The following EGFLAM variants were observed in gnomAD, a reference collection of about 807,000 sequenced individuals.
The protein encoded by EGFLAM is EGF like, fibronectin type III and laminin G domains, also known as pikachurin.
Under a neutral mutation model 113.1 loss-of-function variants are expected in EGFLAM, and 79 were observed. The observed-to-expected ratio is 0.70, with a 90% CI of 0.58 to 0.84. The LOEUF is 0.84. Among genes scored for constraint, EGFLAM ranks in the 40% least tolerant of loss-of-function variants. The pLI is 0.00. For missense variants in EGFLAM, 1,265 were observed against 1,291.6 expected, an observed-to-expected ratio of 0.98 and a Z score of 0.32; for synonymous variants, 504 against 487.6, an observed-to-expected ratio of 1.03 and a Z score of -0.44.
chr5:38,407,140 T>C lies in EGFLAM; in HGVS notation c.1141T>C (p.Ser381Pro). ...CTLGKGGESC[S>P]EDIVIQYPQF... The stretch of plus-strand genomic sequence containing the variant: ...CCTGGGCAAAGGTGGTGAGAGCTGC[T>C]CAGAAGGTAGGCCCTTGGGGGAGAG... Residue 381 changes from serine (S) to proline (P), a missense_variant, in exon 8 of 22, where the codon TCA becomes CCA. Coordinates refer to ENST00000322350, the MANE Select transcript of EGFLAM (RefSeq NM_152403.4). The C allele has an allele frequency of 6.2e-7, 1 of 1,608,548 alleles. No individual in the cohort carries two copies. The highest frequency in any genetic ancestry group is 8.5e-7 in the Non-Finnish European group (1 of 1,179,484).
At chr5:38,405,839 C>T (rs541718087) in intron 6 of EGFLAM, among the ~76,000 whole-genome samples, 21 of 152,262 alleles carry the variant, frequency 1.4e-4, no homozygotes, top group East Asian at 3.9e-4. Context: ...TCATTGATCC[C>T]GTCCTTAGTA....
At chr5:38,342,887 A>G (rs935894741) in intron 3 of EGFLAM, among the ~76,000 whole-genome samples, 1 of 152,228 alleles carries the variant, frequency 6.6e-6, no homozygotes, top group Non-Finnish European at 1.5e-5. Context: ...AGGAGGAGAT[A>G]AAACAGAAAT....
intron 1 of EGFLAM, among the ~76,000 whole-genome samples, chr5:38,318,750 C>A (rs1381117707): frequency 6.6e-6 from 1 of 152,164 alleles, no homozygotes; most frequent in Middle Eastern, 3.4e-3. Flanking sequence ...GTGATCTACC[C>A]GCATCGGCCT....
chr5:38,440,748 C>G (rs1227161593), intron 17 of EGFLAM, among the ~76,000 whole-genome samples: 1 of 152,134 alleles, frequency 6.6e-6, no homozygotes, highest in Non-Finnish European at 1.5e-5. Context: ...CCCAGTATTC[C>G]TACAGAAGTT....
At chr5:38,338,601 C>T (rs1739253743) in intron 2 of EGFLAM, 97 bp from the exon 3 acceptor site, 1 of 1,142,646 alleles carries the variant, frequency 8.8e-7, no homozygotes, top group Middle Eastern at 2.2e-4. Context: ...TTAGGCAACG[C>T]ACCTCAGAGC....
At chr5:38,390,334 T>G (rs1318227976) in intron 6 of EGFLAM, among the ~76,000 whole-genome samples, 2 of 152,238 alleles carry the variant, frequency 1.3e-5, no homozygotes, top group African/African-American at 2.4e-5. Flanking sequence ...TTATGCACGT[T>G]GAATTATAAC....
intron 1 of EGFLAM, among the ~76,000 whole-genome samples, chr5:38,336,557 G>C (rs552942568): frequency 1.6e-5 from 2 of 122,950 alleles, no homozygotes; most frequent in East Asian, 4.0e-4. Context: ...CTGGGCGACA[G>C]AGTGAGACTC....
At chr5:38,381,752 T>G (rs543770103) in intron 6 of EGFLAM, among the ~76,000 whole-genome samples, 3 of 152,218 alleles carry the variant, frequency 2.0e-5, no homozygotes, top group African/African-American at 7.2e-5. Flanking sequence ...TGCTTCCTAA[T>G]GGGCAGCACA....
chr5:38,354,716 C>T (rs778885309), intron 5 of EGFLAM, among the ~76,000 whole-genome samples: 3 of 151,970 alleles, frequency 2.0e-5, no homozygotes, highest in Admixed American at 6.6e-5. Flanking sequence ...GAGGACAGAG[C>T]GAGATTCTGT....
chr5:38,373,384 T>C (rs1740274786), intron 6 of EGFLAM, among the ~76,000 whole-genome samples: 2 of 152,286 alleles, frequency 1.3e-5, no homozygotes, highest in South Asian at 2.1e-4. Context: ...ACCTAAGAAG[T>C]AATTTTTCAG....
intron 1 of EGFLAM, among the ~76,000 whole-genome samples, chr5:38,272,343 T>G (rs555434243): frequency 6.6e-6 from 1 of 152,260 alleles, no homozygotes; most frequent in South Asian, 2.1e-4. Context: ...GTTAAAATAG[T>G]CCAGTGTCCA....
In EGFLAM at chr5:38,449,387, T is replaced by C. The variant is rs181643121; in HGVS notation, c.2543+1008T>C. 1.4e-4 allele frequency among the ~76,000 whole-genome samples: 21 copies of C among 152,302 alleles called. No homozygotes were observed. In the East Asian group the frequency reaches 3.9e-3, roughly 28 times the overall value. ...GCTTCACTTCTCTAATCCCAGGTTG[T>C]ATTAATCTACGTTGTCTTGGCATGG... is the stretch of plus-strand genomic sequence containing the variant. On this transcript the variant is annotated intron_variant, in intron 18 of 21. Transcript: ENST00000322350.
chr5:38,383,414 C>CTTT (rs78824068), intron 6 of EGFLAM, among the ~76,000 whole-genome samples: 1 of 135,034 alleles, frequency 7.4e-6, no homozygotes, highest in African/African-American at 2.7e-5. Context: ...TTTGTCAGGC[C>CTTT]TTTTTTTTTT....
At chr5:38,301,564 G>A (rs756914366) in intron 1 of EGFLAM, among the ~76,000 whole-genome samples, 4 of 152,146 alleles carry the variant, frequency 2.6e-5, no homozygotes, top group Middle Eastern at 3.4e-3. Flanking sequence ...GGAGAAACAG[G>A]GTCAGGAGAA....
chr5:38,460,246 A>G (rs1317031405), intron 20 of EGFLAM, among the ~76,000 whole-genome samples: 1 of 152,162 alleles, frequency 6.6e-6, no homozygotes, highest in African/African-American at 2.4e-5. Context: ...ATACTCACAC[A>G]TTGTGGAATA....
chr5:38,314,658 A>G (rs1485197546), intron 1 of EGFLAM, among the ~76,000 whole-genome samples: 1 of 152,198 alleles, frequency 6.6e-6, no homozygotes, highest in Non-Finnish European at 1.5e-5. Context: ...ATTTTTCTGT[A>G]TTCCATATGA....
At chr5:38,353,536 C>T (rs1024714727) in intron 5 of EGFLAM, among the ~76,000 whole-genome samples, 1 of 152,168 alleles carries the variant, frequency 6.6e-6, no homozygotes, top group Non-Finnish European at 1.5e-5. Flanking sequence ...TAGCCTATTC[C>T]TTGGTAATGG....
chr5:38,385,014 C>T (rs1488559231), intron 6 of EGFLAM, among the ~76,000 whole-genome samples: 1 of 152,090 alleles, frequency 6.6e-6, no homozygotes, highest in Non-Finnish European at 1.5e-5. Context: ...GGAGAATTAT[C>T]TAGCTCTAAA....
intron 1 of EGFLAM, among the ~76,000 whole-genome samples, chr5:38,286,691 A>AT (rs1275029650): frequency 6.6e-6 from 1 of 152,192 alleles, no homozygotes; most frequent in Non-Finnish European, 1.5e-5. Context: ...CCTTTTGTAG[A>AT]TATATTGCCA....
Sources: allele counts gnomAD v4.1 joint callset (sites outside exome capture counted in the v4.1 genomes callset), GRCh38; gene constraint gnomAD v4.1.1; transcripts MANE v1.5; gene names NCBI Gene and HGNC (gene_info 2026-07-23, HGNC 2026-07-21).